Variants in SIPA1L3 observed in about 807,000 individuals in gnomAD.
SIPA1L3 encodes signal-induced proliferation-associated 1-like protein 3.
SIPA1L3 carries 59 observed loss-of-function variants against 150.1 expected under a neutral mutation model. The observed-to-expected ratio is 0.39, with a 90% CI of 0.32 to 0.49. SIPA1L3 has a LOEUF of 0.49. Ranked by LOEUF, SIPA1L3 falls within the 20% of genes least tolerant of loss-of-function variation. The probability of loss-of-function intolerance (pLI) is 0.86; values close to 1 mark genes in which losing one functional copy is unlikely to be tolerated. For synonymous variants in SIPA1L3, 1,070 were observed against 1,077.6 expected (o/e 0.99, Z 0.14); for missense variants, 2,211 against 2,489.5 (o/e 0.89, Z 2.38).
chr19:38,088,990 C>T lies in SIPA1L3; in HGVS notation c.1665+139C>T, dbSNP rs376272494. ...CCCGGGAGAGCAATCCTGTTAGTCT[C>T]TCCATCTCACAGAGGAAGAAACTAA... is the stretch of plus-strand genomic sequence containing the variant. On this transcript the variant is annotated intron_variant, in intron 4 of 21. Coordinates refer to ENST00000222345, the MANE Select transcript of SIPA1L3 (RefSeq NM_015073.3). The T allele has an allele frequency of 3.6e-3, 3,098 of 868,796 alleles. 23 individuals carry two copies. The highest frequency in any genetic ancestry group is 0.013 in the South Asian group (773 of 57,892). 53.8% of individuals were successfully genotyped at this position (868,796 alleles called of 1,614,324 possible).
At chr19:37,914,319 T>C (rs1416875434) in intron 1 of SIPA1L3, among the ~76,000 whole-genome samples, 5 of 151,350 alleles carry the variant, frequency 3.3e-5, no homozygotes, top group Admixed American at 3.3e-4. Context: ...CTACAAAGAG[T>C]ATCAGTTTGA....
chr19:38,053,270 T>G (rs1297046009), intron 2 of SIPA1L3, among the ~76,000 whole-genome samples: 1 of 152,244 alleles, frequency 6.6e-6, no homozygotes, highest in African/African-American at 2.4e-5. Context: ...GCGACGTGAT[T>G]GCTAAGGTGA....
At chr19:38,205,568 G>A (rs1235104132) in intron 21 of SIPA1L3, among the ~76,000 whole-genome samples, 3 of 152,096 alleles carry the variant, frequency 2.0e-5, no homozygotes, top group Admixed American at 2.0e-4. Flanking sequence ...TCGAGCCGTG[G>A]AATCAAAGGG....
At chr19:38,096,834 A>G (rs1454271905) in intron 4 of SIPA1L3, among the ~76,000 whole-genome samples, 1 of 152,176 alleles carries the variant, frequency 6.6e-6, no homozygotes, top group Non-Finnish European at 1.5e-5. Context: ...CTGGTGATTT[A>G]GCAATTTCTA....
chr19:38,000,019 G>A (rs1437776662), intron 1 of SIPA1L3, among the ~76,000 whole-genome samples: 1 of 152,206 alleles, frequency 6.6e-6, no homozygotes, highest in African/African-American at 2.4e-5. Flanking sequence ...TTTGTAAAAT[G>A]ATGATAGTAC....
chr19:38,160,136 C>T (rs1211530969), intron 13 of SIPA1L3, among the ~76,000 whole-genome samples: 1 of 151,910 alleles, frequency 6.6e-6, no homozygotes, highest in African/African-American at 2.4e-5. Flanking sequence ...CTCAGCCTCC[C>T]GAGTAGCTGG....
At chr19:38,174,126 G>A (rs1370948528) in intron 15 of SIPA1L3, among the ~76,000 whole-genome samples, 1 of 152,128 alleles carries the variant, frequency 6.6e-6, no homozygotes, top group Non-Finnish European at 1.5e-5. Context: ...GGAGGAGGCC[G>A]CTCTGACAAT....
At chr19:38,018,931 T>G (rs1968302747) in intron 1 of SIPA1L3, among the ~76,000 whole-genome samples, 1 of 152,194 alleles carries the variant, frequency 6.6e-6, no homozygotes, top group Admixed American at 6.5e-5. Flanking sequence ...CTCATATATT[T>G]CTCACTTTAC....
intron 2 of SIPA1L3, among the ~76,000 whole-genome samples, chr19:38,043,450 C>G (rs1968972842): frequency 6.6e-6 from 1 of 152,212 alleles, no homozygotes; most frequent in Admixed American, 6.5e-5. Context: ...GTGATCCAAG[C>G]TGATGTCTTG....
In SIPA1L3 at chr19:37,943,032, CTCT is replaced by C. The variant is rs771597997; in HGVS notation, c.-379+35676_-379+35678del. 3.9e-3 allele frequency among the ~76,000 whole-genome samples: 444 copies of C among 114,562 alleles called. 7 individuals carry two copies. The East Asian group carries it at 0.04, about 10-fold the overall frequency. 75.2% of individuals were successfully genotyped at this position (114,562 alleles called of 152,430 possible). A position where few individuals can be genotyped will look rare whatever the true frequency, so the allele number is the denominator to read the frequency against. ...CCTCTTTCTCTCTCTCTCTCTCTCT[CTCT>C]TTTTTTTTTTTTTTTTTTTGTAGAG... On this transcript the variant is annotated intron_variant, in intron 1 of 21. Coordinates refer to ENST00000222345, the MANE Select transcript of SIPA1L3 (RefSeq NM_015073.3).
rs71177491 is a variant in SIPA1L3, at chr19:37,962,463, C to CTTTTTTTTTTTTTTTTTT, written c.-379+55111_-379+55128dup. 5.3e-4 allele frequency among the ~76,000 whole-genome samples: 39 copies of CTTTTTTTTTTTTTTTTTT among 73,092 alleles called. 4 individuals are homozygous for CTTTTTTTTTTTTTTTTTT. Among genetic ancestry groups the CTTTTTTTTTTTTTTTTTT allele is most frequent in the African/African-American group, 2.3e-3 (32 of 14,038 alleles). The allele number at this position is 73,092 out of a possible 152,430, so 48.0% of individuals were successfully genotyped here. On this transcript the variant is annotated intron_variant, in intron 1 of 21. Coordinates refer to ENST00000222345, the MANE Select transcript of SIPA1L3 (RefSeq NM_015073.3). The stretch of plus-strand genomic sequence containing the variant: ...TTGGCCATGAGCCACTGCAGCCGGC[C>CTTTTTTTTTTTTTTTTTT]TTTTTTTTTTTTTTTTTTTTTTTGA...
chr19:38,025,979 G>T (rs1261189510), intron 1 of SIPA1L3, among the ~76,000 whole-genome samples: 1 of 152,202 alleles, frequency 6.6e-6, no homozygotes, highest in African/African-American at 2.4e-5. Context: ...CTGGTAGGGA[G>T]CTATGGGAAT....
At chr19:38,035,205 C>CA (rs1968752380) in intron 2 of SIPA1L3, among the ~76,000 whole-genome samples, 1 of 152,214 alleles carries the variant, frequency 6.6e-6, no homozygotes, top group African/African-American at 2.4e-5. Flanking sequence ...GTGAAACTCT[C>CA]ACGACAGCTC....
Position 38,162,234 on chromosome 19 carries a change from G to C in SIPA1L3, c.3662-19G>C. ...CTGAGTCACTCCTAACCACTGGTGT[G>C]TCTCCTGTTTTCCTACAGAGCCTTT... On this transcript the variant is annotated intron_variant, in intron 13 of 21. Coordinates refer to ENST00000222345, the MANE Select transcript of SIPA1L3 (RefSeq NM_015073.3). The C allele has an allele frequency of 6.2e-7, 1 of 1,602,092 alleles. No individual in the cohort carries two copies. The highest frequency in any genetic ancestry group is 8.6e-7 in the Non-Finnish European group (1 of 1,168,868).
intron 1 of SIPA1L3, among the ~76,000 whole-genome samples, chr19:38,017,907 A>G (rs1444645518): frequency 4.6e-5 from 7 of 151,996 alleles, no homozygotes; most frequent in African/African-American, 1.7e-4. Flanking sequence ...ATCAGAACAT[A>G]TCATTCCCCT....
chr19:38,204,564 G>C (rs1237654843), intron 21 of SIPA1L3, among the ~76,000 whole-genome samples: 1 of 152,186 alleles, frequency 6.6e-6, no homozygotes, highest in Non-Finnish European at 1.5e-5. Flanking sequence ...AGGAGTTCGA[G>C]ACCAGCCTGG....
intron 2 of SIPA1L3, among the ~76,000 whole-genome samples, chr19:38,057,518 C>T (rs893179718): frequency 6.6e-6 from 1 of 151,892 alleles, no homozygotes; most frequent in African/African-American, 2.4e-5. Context: ...TTTAATGGTA[C>T]TCCTGGTGTT....
chr19:38,205,332 C>T lies in SIPA1L3; in HGVS notation c.5203-765C>T, dbSNP rs1383013813. Among the ~76,000 whole-genome samples, 12 of 152,010 alleles carry T rather than the reference C, an allele frequency of 7.9e-5. 1 individual carries two copies. The highest frequency in any genetic ancestry group is 1.6e-4 in the Non-Finnish European group (11 of 67,978). ...AATTAGCCGGGTGTGGTGGTGCACG[C>T]CTGTAATCCCAGCTACTTGGGAAGC... On this transcript the variant is annotated intron_variant, in intron 21 of 21. Transcript: ENST00000222345.
chr19:37,994,180 G>A (rs2145641483), intron 1 of SIPA1L3, among the ~76,000 whole-genome samples: 1 of 152,302 alleles, frequency 6.6e-6, no homozygotes, highest in African/African-American at 2.4e-5. Flanking sequence ...GGGATTACAG[G>A]CGTGAGCCAT....
Sources: allele counts gnomAD v4.1 joint callset (sites outside exome capture counted in the v4.1 genomes callset), GRCh38; gene constraint gnomAD v4.1.1; transcripts MANE v1.5; gene names NCBI Gene and HGNC (gene_info 2026-07-23, HGNC 2026-07-21).